FANCC: variants seen among roughly 807,000 people sequenced by gnomAD.
The protein encoded by FANCC is Fanconi anemia group C protein.
Under a neutral mutation model 71.3 loss-of-function variants are expected in FANCC, and 55 were observed. The observed-to-expected ratio is 0.77, with a 90% confidence interval of 0.62 to 0.97. The LOEUF (loss-of-function observed/expected upper bound fraction) is 0.97. Among genes scored for constraint, FANCC ranks in the 50% least tolerant of loss-of-function variants. The probability of loss-of-function intolerance (pLI) is 0.00; values close to 1 mark genes in which losing one functional copy is unlikely to be tolerated. For synonymous variants in FANCC, 275 were observed against 244.9 expected, an observed-to-expected ratio of 1.12 and a Z score of -1.15; for missense variants, 678 against 670.9, an observed-to-expected ratio of 1.01 and a Z score of -0.12.
intron 1 of FANCC, among the ~76,000 whole-genome samples, chr9:95,300,310 TAAGA>T (rs1265119210): frequency 2.0e-5 from 3 of 150,494 alleles, no homozygotes; most frequent in Non-Finnish European, 3.0e-5. Flanking sequence ...GAGGAGAAAA[TAAGA>T]AAGAATGATC....
chr9:95,293,270 T>C, intron 1 of FANCC: 2 of 1,613,598 alleles, frequency 1.2e-6, no homozygotes, highest in Non-Finnish European at 1.7e-6. Context: ...GATGCAGTTT[T>C]CTCTCATGCC....
intron 11 of FANCC, among the ~76,000 whole-genome samples, chr9:95,115,139 A>C (rs891619125): frequency 3.3e-5 from 5 of 152,094 alleles, no homozygotes; most frequent in Admixed American, 3.3e-4. Flanking sequence ...ATGAGGTTTC[A>C]CTATGTTTCT....
intron 1 of FANCC, among the ~76,000 whole-genome samples, chr9:95,257,892 C>T (rs1262173503): frequency 6.6e-6 from 1 of 152,164 alleles, no homozygotes; most frequent in Non-Finnish European, 1.5e-5. Flanking sequence ...TCAGAGAATA[C>T]TATAAACACC....
At chr9:95,219,397 T>C (rs889407573) in intron 4 of FANCC, among the ~76,000 whole-genome samples, 3 of 152,090 alleles carry the variant, frequency 2.0e-5, no homozygotes, top group African/African-American at 7.2e-5. Context: ...CCTTAGGCCT[T>C]TACACTGGGC....
At chr9:95,172,819 A>T (rs1003541888) in intron 4 of FANCC, among the ~76,000 whole-genome samples, 1 of 152,232 alleles carries the variant, frequency 6.6e-6, no homozygotes, top group East Asian at 1.9e-4. Context: ...TTTTTCAAGT[A>T]TCTGAATGAG....
intron 4 of FANCC, among the ~76,000 whole-genome samples, chr9:95,226,643 A>T (rs1829637437): frequency 6.6e-6 from 1 of 152,160 alleles, no homozygotes; most frequent in Non-Finnish European, 1.5e-5. Context: ...GTCTATCTTC[A>T]ACCACAAAAC....
At chr9:95,124,483 G>A (rs542469238) in intron 10 of FANCC, among the ~76,000 whole-genome samples, 1 of 152,266 alleles carries the variant, frequency 6.6e-6, no homozygotes, top group African/African-American at 2.4e-5. Context: ...ACAATCTTCT[G>A]CAGGGTGCGG....
At chr9:95,293,807 C>G in intron 1 of FANCC, 1 of 1,613,758 alleles carries the variant, frequency 6.2e-7, no homozygotes. Context: ...CGGGTGGGGT[C>G]TCCTGAGAAA....
At chr9:95,108,049 C>T (rs1211445775) in intron 13 of FANCC, among the ~76,000 whole-genome samples, 3 of 152,216 alleles carry the variant, frequency 2.0e-5, no homozygotes, top group East Asian at 1.9e-4. Context: ...ACATGGAACT[C>T]GTGAACAGCT....
At chr9:95,154,299 G>A (rs1458047787) in intron 6 of FANCC, among the ~76,000 whole-genome samples, 1 of 139,084 alleles carries the variant, frequency 7.2e-6, no homozygotes, top group Non-Finnish European at 1.6e-5. Context: ...TCAGATTACA[G>A]AGAAAAGAGA....
chr9:95,178,806 T>C lies in FANCC; in HGVS notation c.346-6659A>G, dbSNP rs1826171494. Among the ~76,000 whole-genome samples, 3 of 152,218 alleles carry C rather than the reference T, an allele frequency of 2.0e-5. No homozygotes were observed. In the South Asian group the frequency reaches 6.2e-4, roughly 32 times the overall value. On this transcript the variant is annotated intron_variant, in intron 4 of 14. Coordinates refer to ENST00000289081, the MANE Select transcript of FANCC (RefSeq NM_000136.3). ...ATTTTATAAGAAAATTGAGTTAAATTTTGTAAGGGCGTTAAAATATAATTT... is the reference window on the plus strand; with the variant it reads ...ATTTTATAAGAAAATTGAGTTAAATCTTGTAAGGGCGTTAAAATATAATTT...
At chr9:95,247,310 A>G (rs1480060205) in intron 3 of FANCC, 122 bp downstream of exon 3, 2 of 754,850 alleles carry the variant, frequency 2.6e-6, no homozygotes, top group Non-Finnish European at 4.6e-6. Context: ...AACAATGAAT[A>G]CATTTGATAA....
intron 6 of FANCC, among the ~76,000 whole-genome samples, chr9:95,168,529 A>G (rs1019282014): frequency 1.3e-5 from 2 of 152,192 alleles, no homozygotes; most frequent in African/African-American, 4.8e-5. Context: ...AAAGGTTTTA[A>G]ATTGTGCACT....
At chr9:95,226,449 C>T (rs535919818) in intron 4 of FANCC, among the ~76,000 whole-genome samples, 2 of 152,304 alleles carry the variant, frequency 1.3e-5, no homozygotes, top group African/African-American at 2.4e-5. Flanking sequence ...GAGAAGACAG[C>T]GTCTCCCCGG....
At chr9:95,188,332 C>T (rs571308770) in intron 4 of FANCC, among the ~76,000 whole-genome samples, 36 of 152,264 alleles carry the variant, frequency 2.4e-4, no homozygotes, top group African/African-American at 7.5e-4. Context: ...GCACACAGCG[C>T]GTGGGTTAAT....
intron 1 of FANCC, among the ~76,000 whole-genome samples, chr9:95,284,454 T>C (rs1366819847): frequency 6.6e-6 from 1 of 152,238 alleles, no homozygotes; most frequent in Non-Finnish European, 1.5e-5. Context: ...ATTGGTCATA[T>C]TAAATTATAC....
intron 4 of FANCC, among the ~76,000 whole-genome samples, chr9:95,239,647 G>T (rs1830520565): frequency 6.6e-6 from 1 of 152,050 alleles, no homozygotes; most frequent in South Asian, 2.1e-4. Context: ...CCTTTCTTCA[G>T]TTCCTTACAT....
At chr9:95,271,386 C>CA (rs776068088) in intron 1 of FANCC, among the ~76,000 whole-genome samples, 4 of 152,188 alleles carry the variant, frequency 2.6e-5, no homozygotes, top group Non-Finnish European at 4.4e-5. Flanking sequence ...GGGTAGGCCA[C>CA]ATGCAACCTT....
chr9:95,156,957 A>G (rs1830488842), intron 6 of FANCC, among the ~76,000 whole-genome samples: 1 of 150,188 alleles, frequency 6.7e-6, no homozygotes, highest in Non-Finnish European at 1.5e-5. Context: ...AGAACACAGC[A>G]TAACAGGCAA....
Sources: gnomAD v4.1 joint callset for allele counts (sites outside exome capture counted in the v4.1 genomes callset) on GRCh38, gnomAD v4.1.1 for gene constraint, MANE v1.5 for transcripts, NCBI Gene and HGNC (gene_info 2026-07-23, HGNC 2026-07-21) for gene names.